INO80: variants seen among roughly 807,000 people sequenced by gnomAD.
INO80 encodes the protein INO80 complex ATPase subunit, also known as chromatin-remodeling ATPase INO80.
Under a neutral mutation model 203.4 loss-of-function variants are expected in INO80, and 20 were observed. The observed-to-expected ratio is 0.10, with a 90% CI of 0.07 to 0.14. The LOEUF is 0.14. Among genes scored for constraint, INO80 ranks in the 10% least tolerant of loss-of-function variants. The pLI, the probability that INO80 is intolerant of heterozygous loss-of-function variation, is 1.00. For missense variants in INO80, 1,419 were observed against 1,914.4 expected, an observed-to-expected ratio of 0.74 and a Z score of 4.83; for synonymous variants, 726 against 685.2, an observed-to-expected ratio of 1.06 and a Z score of -0.93.
rs1346934005 is a variant in INO80 at position 41,058,885 on chromosome 15, C to T, written c.1843-104G>A. 8.6e-6 allele frequency: 9 copies of T among 1,043,504 alleles called. No homozygotes were observed. The African/African-American group carries it at 9.6e-5, about 11-fold the overall frequency. The allele number at this position is 1,043,504 out of a possible 1,614,324, so 64.6% of individuals were successfully genotyped here. ...TAGGGCCAAAATGTTTAAGACAGCCCTGAAGATGTGCTTCTCCCATATGGT... is the reference window on the plus strand; with the variant it reads ...TAGGGCCAAAATGTTTAAGACAGCCTTGAAGATGTGCTTCTCCCATATGGT... On this transcript the variant is annotated intron_variant, in intron 15 of 35. Coordinates refer to ENST00000648947, the MANE Select transcript of INO80 (RefSeq NM_017553.3).
intron 1 of INO80, among the ~76,000 whole-genome samples, chr15:41,107,758 C>A (rs1385014853): frequency 6.6e-6 from 1 of 152,040 alleles, no homozygotes; most frequent in East Asian, 1.9e-4. Context: ...TGAGACCATG[C>A]CACTGCACTT....
In INO80 at chr15:41,049,289, G is replaced by A; in HGVS notation, c.2574C>T (p.Asp858=). 6.2e-7 allele frequency: 1 copy of A among 1,611,552 alleles called. No individual in the cohort carries two copies. Among genetic ancestry groups the A allele is most frequent in the Non-Finnish European group, 8.5e-7 (1 of 1,178,584 alleles). Residue 858 remains aspartate, a splice_region_variant and synonymous_variant, in exon 21 of 36, where the codon GAC becomes GAT. Coordinates refer to ENST00000648947, the MANE Select transcript of INO80 (RefSeq NM_017553.3). ...GQIRVFNHSR[D]RWLRVLSPFA... The stretch of plus-strand genomic sequence containing the variant: ...AACAGATAGTAATACTTCCCTACCT[G>A]TCTCGTGAATGATTGAAGACCCTGA...
chr15:41,059,938 G>C lies in INO80; in HGVS notation c.1783-12C>G. ...CAATATGGTAGCACCTAGAAAAAGGGCCAATATATACATTACTTTCTATAG... is the reference window on the plus strand; with the variant it reads ...CAATATGGTAGCACCTAGAAAAAGGCCCAATATATACATTACTTTCTATAG... On this transcript the variant is annotated splice_polypyrimidine_tract_variant and intron_variant, in intron 14 of 35. Coordinates refer to ENST00000648947, the MANE Select transcript of INO80 (RefSeq NM_017553.3). The C allele has an allele frequency of 3.2e-6, 5 of 1,561,916 alleles. No individual in the cohort carries two copies. Among genetic ancestry groups the C allele is most frequent in the Non-Finnish European group, 4.4e-6 (5 of 1,136,444 alleles).
chr15:41,115,091 T>C (rs2046011161), intron 1 of INO80, among the ~76,000 whole-genome samples: 2 of 152,356 alleles, frequency 1.3e-5, no homozygotes, highest in Admixed American at 1.3e-4. Context: ...AATAATTTTG[T>C]TGTGGAGGAA....
chr15:41,034,621 A>G (rs1456188067), intron 24 of INO80, among the ~76,000 whole-genome samples: 1 of 152,240 alleles, frequency 6.6e-6, no homozygotes, highest in Non-Finnish European at 1.5e-5. Context: ...AAAGCTGAAT[A>G]TGGGGAAATT....
At chr15:41,023,319 T>C (rs1488632681) in intron 25 of INO80, 4 of 455,846 alleles carry the variant, frequency 8.8e-6, no homozygotes, top group African/African-American at 2.0e-5. Context: ...AGAGCAAACA[T>C]CTCCCATGTA....
intron 7 of INO80, among the ~76,000 whole-genome samples, chr15:41,083,419 A>T (rs1252520302): frequency 1.3e-5 from 2 of 152,150 alleles, no homozygotes; most frequent in Non-Finnish European, 2.9e-5. Context: ...CAAAACATTA[A>T]AACAGGTTGG....
chr15:41,076,748 A>G (rs745897679), intron 9 of INO80, among the ~76,000 whole-genome samples: 7 of 151,978 alleles, frequency 4.6e-5, no homozygotes, highest in Non-Finnish European at 5.9e-5. Flanking sequence ...CTTTTTTTCT[A>G]AGTGCCTCTA....
intron 14 of INO80, among the ~76,000 whole-genome samples, chr15:41,063,573 A>G (rs2045153335): frequency 6.6e-6 from 1 of 152,154 alleles, no homozygotes; most frequent in Non-Finnish European, 1.5e-5. Flanking sequence ...CAGGAGTTAG[A>G]GACCAGCCTG....
intron 32 of INO80, among the ~76,000 whole-genome samples, chr15:40,984,823 A>G: frequency 6.6e-6 from 1 of 152,234 alleles, no homozygotes; most frequent in East Asian, 1.9e-4. Flanking sequence ...AATGCTTTCA[A>G]TATATTTTCT....
chr15:41,089,327 A>C (rs2045601976), intron 5 of INO80, among the ~76,000 whole-genome samples: 1 of 152,250 alleles, frequency 6.6e-6, no homozygotes, highest in African/African-American at 2.4e-5. Context: ...CCACTTCTAC[A>C]GGTTTATAAG....
chr15:41,024,655 G>C (rs1023214737), intron 25 of INO80: 1 of 152,182 alleles, frequency 6.6e-6, no homozygotes. Context: ...TAATTCCTAA[G>C]GCCTTAATTT....
chr15:41,061,629 A>C (rs1006057276), intron 14 of INO80, among the ~76,000 whole-genome samples: 1 of 151,912 alleles, frequency 6.6e-6, no homozygotes, highest in African/African-American at 2.4e-5. Context: ...TTTCAAAAAA[A>C]TAAATAAAAT....
rs201452155 is a variant in INO80 at position 40,983,725 on chromosome 15, G to C, written c.4237+37C>G. On this transcript the variant is annotated intron_variant, in intron 34 of 35. Transcript: ENST00000648947. ...CACAACCAAACCAGTGCTGGGCAGT[G>C]GACCAGGCCCAAGCTGTACAAGACA... The C allele has an allele frequency of 6.7e-5, 108 of 1,601,766 alleles. No homozygotes were observed. The African/African-American group carries it at 1.2e-3, about 18-fold the overall frequency.
At chr15:41,105,401 T>C (rs1205757697) in intron 1 of INO80, among the ~76,000 whole-genome samples, 1 of 152,212 alleles carries the variant, frequency 6.6e-6, no homozygotes, top group African/African-American at 2.4e-5. Flanking sequence ...ATGCCAAATG[T>C]TTCATATGTG....
chr15:41,085,704 C>CT, intron 6 of INO80, 121 bp from the exon 7 acceptor site: 1 of 687,784 alleles, frequency 1.5e-6, no homozygotes, highest in East Asian at 2.7e-5. Context: ...ACACATATCC[C>CT]TTTATCTACT....
chr15:41,039,675 T>C (rs1346061837), intron 24 of INO80, among the ~76,000 whole-genome samples: 1 of 152,218 alleles, frequency 6.6e-6, no homozygotes, highest in African/African-American at 2.4e-5. Flanking sequence ...TGGAGATTCA[T>C]TCAATCGATA....
At chr15:41,081,917 G>A (rs914621310) in intron 7 of INO80, among the ~76,000 whole-genome samples, 1 of 152,026 alleles carries the variant, frequency 6.6e-6, no homozygotes, top group Non-Finnish European at 1.5e-5. Context: ...AAGAGCTATT[G>A]TCACTCTGAA....
chr15:41,080,401 T>C (rs2045468280), intron 8 of INO80, among the ~76,000 whole-genome samples: 1 of 152,160 alleles, frequency 6.6e-6, no homozygotes. Flanking sequence ...TTAAAGGAAG[T>C]TGTTTTAGTC....
Sources: gnomAD v4.1 joint callset for allele counts (sites outside exome capture counted in the v4.1 genomes callset) on GRCh38, gnomAD v4.1.1 for gene constraint, MANE v1.5 for transcripts, NCBI Gene and HGNC (gene_info 2026-07-23, HGNC 2026-07-21) for gene names.